RTL1: variants seen among roughly 807,000 people sequenced by gnomAD.
RTL1 encodes the protein retrotransposon Gag like 1, also known as retrotransposon-like protein 1.
For missense variants in RTL1, 1,681 were observed against 1,767.5 expected (o/e 0.95, Z 0.88); for synonymous variants, 727 against 748.4 (o/e 0.97, Z 0.47).
intron 2 of RTL1, among the ~76,000 whole-genome samples, chr14:100,896,264 A>G (rs1250258541): frequency 6.6e-6 from 1 of 152,142 alleles, no homozygotes; most frequent in African/African-American, 2.4e-5. Flanking sequence ...GCACAAAGTC[A>G]TGGTTGAAAA....
Position 100,882,008 on chromosome 14 carries a change from T to A in RTL1, c.2781A>T (p.Ile927=), listed in dbSNP as rs559843416. The change falls in exon 4 of 4, where the codon ATA becomes ATT. Residue 927 remains isoleucine (I), a synonymous_variant. Coordinates refer to ENST00000649591, the MANE Select transcript of RTL1 (RefSeq NM_001134888.3). ...YSQAEMKILP[I]RAAFMVWCRY... Reference sequence around the variant, plus strand: ...GGCACCACACCATGAAGGCAGCCCGTATTGGAAGAATCTTCATCTCCGCTT... The same window carrying A: ...GGCACCACACCATGAAGGCAGCCCGAATTGGAAGAATCTTCATCTCCGCTT... 2.5e-6 allele frequency: 4 copies of A among 1,613,586 alleles called. No individual in the cohort carries two copies. The South Asian group carries it at 4.4e-5, about 18-fold the overall frequency.
At chr14:100,899,246 G>A (rs1045966161) in intron 2 of RTL1, among the ~76,000 whole-genome samples, 4 of 152,322 alleles carry the variant, frequency 2.6e-5, no homozygotes, top group South Asian at 4.1e-4. Context: ...CGGGAGTAGC[G>A]TCTCAGTGTT....
At position 100,884,020 on chromosome 14, in the gene RTL1, G is replaced by T; in HGVS notation, c.769C>A (p.Leu257Met). The T allele has an allele frequency of 6.4e-7, 1 of 1,551,762 alleles. No homozygotes were observed. The highest frequency in any genetic ancestry group is 1.4e-5 in the African/African-American group (1 of 73,188). The part of the protein sequence containing the change: ...GLALEWAKAL[L>M]QENSPLIGDF... ...CCGATCAGGGGGCTGTTTTCCTGCA[G>T]TAGAGCTTTGGCCCATTCTAATGCC... Residue 257 changes from leucine to methionine, a missense_variant, in exon 4 of 4, where the codon CTG becomes ATG. Transcript: ENST00000649591.
chr14:100,888,752 T>A (rs2038727985), intron 3 of RTL1, among the ~76,000 whole-genome samples: 1 of 152,242 alleles, frequency 6.6e-6, no homozygotes, highest in African/African-American at 2.4e-5. Context: ...TATGCAACAG[T>A]CTAATCATGT....
In RTL1 at chr14:100,879,992, A is replaced by G. The variant is rs372424866; in HGVS notation, c.*720T>C. 3.3e-5 allele frequency among the ~76,000 whole-genome samples: 5 copies of G among 151,776 alleles called. No individual in the cohort carries two copies. Among genetic ancestry groups the G allele is most frequent in the African/African-American group, 1.2e-4 (5 of 41,270 alleles). On this transcript the variant is annotated 3_prime_UTR_variant, in exon 4 of 4. Coordinates refer to ENST00000649591, the MANE Select transcript of RTL1 (RefSeq NM_001134888.3). ...GAGGGAAAGGCGCCCCAAGGCATGCAGGGGCCCTCTTTGCTGTGCAAGTCT... is the reference window on the plus strand; with the variant it reads ...GAGGGAAAGGCGCCCCAAGGCATGCGGGGGCCCTCTTTGCTGTGCAAGTCT...
Position 100,881,555 on chromosome 14 carries a change from G to A in RTL1, c.3234C>T (p.His1078=). The change falls in exon 4 of 4, where the codon CAC becomes CAT. Residue 1078 remains histidine (H), a synonymous_variant. Transcript: ENST00000649591. This position sits in a 1 kb window ranked among gnomAD's most constrained non-coding sequence, Gnocchi z 6.6. ...SMAQIRAVIL[H]FFRGLLYWKN... ...TCCAGTACAGGAGGCCTCGGAAGAA[G>A]TGCAGAATGACGGCCCTGATCTGGG... 1 of 1,551,766 alleles carries A rather than the reference G, an allele frequency of 6.4e-7. No individual in the cohort carries two copies. The highest frequency in any genetic ancestry group is 8.7e-7 in the Non-Finnish European group (1 of 1,147,024).
intron 3 of RTL1, among the ~76,000 whole-genome samples, chr14:100,886,603 C>G (rs968053560): frequency 2.0e-5 from 3 of 152,142 alleles, no homozygotes; most frequent in African/African-American, 7.2e-5. Flanking sequence ...TCATCATCAT[C>G]ATGATGTACA....
chr14:100,893,650 T>A lies in RTL1; in HGVS notation c.-148-145A>T, dbSNP rs2038812501. Among the ~76,000 whole-genome samples, 1 of 152,246 alleles carries A rather than the reference T, an allele frequency of 6.6e-6. No individual in the cohort carries two copies. On this transcript the variant is annotated intron_variant, in intron 2 of 3. Coordinates refer to ENST00000649591, the MANE Select transcript of RTL1 (RefSeq NM_001134888.3). This position sits in a 1 kb window ranked among gnomAD's most constrained non-coding sequence, Gnocchi z 4.2. Reference sequence around the variant, plus strand: ...TCGCGTGCCTTTCTGTTGTGAGCTTTTTTCCACGTGGCTACGTTGGGGACC... The same window carrying A: ...TCGCGTGCCTTTCTGTTGTGAGCTTATTTCCACGTGGCTACGTTGGGGACC...
At position 100,882,699 on chromosome 14, in the gene RTL1, A is replaced by C; in HGVS notation, c.2090T>G (p.Met697Arg). 3 of 1,551,864 alleles carry C rather than the reference A, an allele frequency of 1.9e-6. No homozygotes were observed. In the Admixed American group the frequency reaches 5.9e-5, roughly 30 times the overall value. Reference sequence around the variant, plus strand: ...GAGCGCAAACGGCTGGTAGCTCTTCATCTCTTCAAGCTCCAAACCAAACGC... The same window carrying C: ...GAGCGCAAACGGCTGGTAGCTCTTCCTCTCTTCAAGCTCCAAACCAAACGC... The part of the protein sequence containing the change: ...KAAFGLELEE[M>R]KSYQPFALSP... The change falls in exon 4 of 4, where the codon ATG becomes AGG. Residue 697 changes from methionine to arginine, a missense_variant. Transcript: ENST00000649591.
chr14:100,881,663 A>G lies in RTL1; in HGVS notation c.3126T>C (p.Asn1042=), dbSNP rs1177970679. 5 of 1,552,866 alleles carry G rather than the reference A, an allele frequency of 3.2e-6. No homozygotes were observed. The South Asian group carries it at 3.6e-5, about 11-fold the overall frequency. Residue 1042 remains asparagine, a synonymous_variant, in exon 4 of 4, where the codon AAT becomes AAC. Transcript: ENST00000649591. The surrounding 1 kb of genome is among the most constrained non-coding windows in gnomAD (Gnocchi z 6.6). ...EEENEEQDEL[N]EQILRQELLA... is the part of the protein sequence containing the mutation. ...GCAGCTCTTGCCGTAGGATCTGTTC[A>G]TTGAGCTCATCCTGTTCTTCATTCT...
In RTL1 at chr14:100,880,826, G is replaced by T. The variant is rs940357112; in HGVS notation, c.3963C>A (p.Phe1321Leu). The change falls in exon 4 of 4, where the codon TTC (phenylalanine) becomes TTA (leucine). Residue 1321 changes from phenylalanine (F) to leucine (L), a missense_variant. Coordinates refer to ENST00000649591, the MANE Select transcript of RTL1 (RefSeq NM_001134888.3). ...GGGCCCGCCTGTAGATCAGGGTCAG[G>T]AACTGGCTCAGGGCCCTGGCTGCCT... is the stretch of plus-strand genomic sequence containing the variant. ...REQAARALSQ[F>L]LTLIYRRALP... The T allele has an allele frequency of 2.2e-5, 34 of 1,550,510 alleles. No homozygotes were observed. Among genetic ancestry groups the T allele is most frequent in the Non-Finnish European group, 2.8e-5 (32 of 1,146,940 alleles).
In RTL1 at chr14:100,880,099, G is replaced by A. The variant is rs981277854; in HGVS notation, c.*613C>T. ...CCAGAGCTCAGGGCAAGAGGAAGGC[G>A]GGGTCAAAAAAGCTGAAGCAGATGT... On this transcript the variant is annotated 3_prime_UTR_variant, in exon 4 of 4. Transcript: ENST00000649591. 2.0e-5 allele frequency among the ~76,000 whole-genome samples: 3 copies of A among 149,926 alleles called. No individual in the cohort carries two copies. The highest frequency in any genetic ancestry group is 4.9e-5 in the African/African-American group (2 of 40,612).
rs1039942018 is a variant in RTL1 at position 100,882,909 on chromosome 14, G to T, written c.1880C>A (p.Ala627Asp). The change falls in exon 4 of 4, where the codon GCC (alanine) becomes GAC (aspartate). Residue 627 changes from alanine (A) to aspartate (D), a missense_variant. Transcript: ENST00000649591. The part of the protein sequence containing the change: ...EPVGARMQER[A>D]RLQEEYWDLQ... ...GTCCCAGTATTCCTCCTGTAGCCTG[G>T]CTCTTTCTTGCATCCTGGCACCCAC... The T allele has an allele frequency of 4.4e-6, 7 of 1,605,476 alleles. No individual in the cohort carries two copies. The highest frequency in any genetic ancestry group is 3.4e-5 in the Admixed American group (2 of 59,008).
intron 2 of RTL1, chr14:100,894,890 A>C (rs1362733231): frequency 1.3e-5 from 2 of 152,240 alleles, no homozygotes; most frequent in Non-Finnish European, 2.9e-5. Flanking sequence ...CACTGCCCCC[A>C]GTGGGCAGTG....
chr14:100,883,300 A>G lies in RTL1; in HGVS notation c.1489T>C (p.Ser497Pro), dbSNP rs890573418. 3.9e-6 allele frequency: 6 copies of G among 1,550,948 alleles called. No homozygotes were observed. The African/African-American group carries it at 8.2e-5, about 21-fold the overall frequency. ...CCTAGGACCACAGAGAAGTTCGGTG[A>G]AGGTACGATGTCAAATTCGATGGAC... ...QESIEFDIVPSPNFSVVLGIR... is the reference protein window; with the variant it reads ...QESIEFDIVPPPNFSVVLGIR... The change falls in exon 4 of 4, where the codon TCA becomes CCA. Residue 497 changes from serine (S) to proline (P), a missense_variant. Ser to Pro is a moderately conservative substitution (Grantham distance 74). Transcript: ENST00000649591. The surrounding 1 kb of genome is among the most constrained non-coding windows in gnomAD (Gnocchi z 5.9).
rs770148165 is a variant in RTL1, at chr14:100,884,747, C to G, written c.42G>C (p.Glu14Asp). ...PSEDSFETMM[E>D]HKNPSSKQME... Reference sequence around the variant, plus strand: ...TTTGTTTTGATGATGGATTCTTATGCTCCATCATCGTCTCAAATGAGTCTT... The same window carrying G: ...TTTGTTTTGATGATGGATTCTTATGGTCCATCATCGTCTCAAATGAGTCTT... Residue 14 changes from glutamate to aspartate, a missense_variant, in exon 4 of 4, where the codon GAG becomes GAC. Transcript: ENST00000649591. The G allele has an allele frequency of 6.2e-7, 1 of 1,601,382 alleles. No individual in the cohort carries two copies. Among genetic ancestry groups the G allele is most frequent in the African/African-American group, 1.4e-5 (1 of 74,032 alleles).
Position 100,882,149 on chromosome 14 carries a change from G to T in RTL1, c.2640C>A (p.Gly880=), listed in dbSNP as rs760360890. 1.9e-6 allele frequency: 3 copies of T among 1,551,002 alleles called. No homozygotes were observed. Among genetic ancestry groups the T allele is most frequent in the Non-Finnish European group, 8.7e-7 (1 of 1,147,236 alleles). The part of the protein sequence containing the change: ...KPQNPFYLET[G]VTGTALHASL... ...AGGCGTGCAGGGCCGTGCCGGTGAC[G>T]CCGGTTTCCAAGTAGAATGGGTTCT... The change falls in exon 4 of 4, where the codon GGC becomes GGA. Residue 880 remains glycine (G), a synonymous_variant. Transcript: ENST00000649591.
rs1219547353 is a variant in RTL1 at position 100,903,284 on chromosome 14, T to TA, written c.-149+6dup. Among the ~76,000 whole-genome samples, 5 of 152,190 alleles carry TA rather than the reference T, an allele frequency of 3.3e-5. No individual in the cohort carries two copies. The East Asian group carries it at 7.7e-4, about 24-fold the overall frequency. ...ACTCATTCTCCAAGCCACCACAGTGTACCTACCTTCCCCGGGCCCAGTCCC... is the reference window on the plus strand; with the variant it reads ...ACTCATTCTCCAAGCCACCACAGTGTAACCTACCTTCCCCGGGCCCAGTCCC... On this transcript the variant is annotated splice_region_variant and intron_variant, in intron 2 of 3. Transcript: ENST00000649591.
Position 100,903,287 on chromosome 14 carries a change from C to G in RTL1, c.-149+4G>C, listed in dbSNP as rs929995500. The stretch of plus-strand genomic sequence containing the variant: ...CATTCTCCAAGCCACCACAGTGTAC[C>G]TACCTTCCCCGGGCCCAGTCCCAAG... On this transcript the variant is annotated splice_donor_region_variant and intron_variant, in intron 2 of 3. Transcript: ENST00000649591. Among the ~76,000 whole-genome samples the G allele has an allele frequency of 1.3e-5, 2 of 152,122 alleles. No individual in the cohort carries two copies. The highest frequency in any genetic ancestry group is 4.8e-5 in the African/African-American group (2 of 41,426).
Sources: gnomAD v4.1 joint callset for allele counts (sites outside exome capture counted in the v4.1 genomes callset) on GRCh38, gnomAD v4.1.1 for gene constraint, Gnocchi (gnomAD v3.1) non-coding constraint, MANE v1.5 for transcripts, NCBI Gene and HGNC (gene_info 2026-07-23, HGNC 2026-07-21) for gene names.